VCL: variants seen among roughly 807,000 people sequenced by gnomAD.
VCL encodes the protein vinculin, also known as epididymis luminal protein 114.
A neutral mutation model predicts 125.7 loss-of-function variants in VCL; 47 were observed. That is an observed-to-expected ratio of 0.37 (90% confidence interval 0.30 to 0.48). VCL has a LOEUF of 0.48. VCL is among the 20% of genes least tolerant of loss of function. The pLI, the probability that VCL is intolerant of heterozygous loss-of-function variation, is 0.99. For synonymous variants in VCL, 458 were observed against 514.6 expected, an observed-to-expected ratio of 0.89 and a Z score of 1.49; for missense variants, 1,069 against 1,455.5, an observed-to-expected ratio of 0.73 and a Z score of 4.32.
At chr10:74,105,633 T>C (rs1196141950) in intron 16 of VCL, among the ~76,000 whole-genome samples, 1 of 152,194 alleles carries the variant, frequency 6.6e-6, no homozygotes, top group East Asian at 1.9e-4. Context: ...CTCAGCTCAC[T>C]GAAACCTCCA....
intron 1 of VCL, among the ~76,000 whole-genome samples, chr10:74,009,419 C>T (rs184142844): frequency 0.025 from 3,757 of 150,868 alleles, 161 homozygotes; most frequent in African/African-American, 0.086. Context: ...CCACCACGCC[C>T]GGCTAATTTT....
At chr10:74,086,721 C>T (rs532425714) in intron 8 of VCL, among the ~76,000 whole-genome samples, 1 of 152,340 alleles carries the variant, frequency 6.6e-6, no homozygotes, top group East Asian at 1.9e-4. Context: ...AAGGCTAGAA[C>T]AGTGAAGGGT....
At chr10:74,090,408 A>G (rs1839860690) in intron 10 of VCL, among the ~76,000 whole-genome samples, 2 of 152,186 alleles carry the variant, frequency 1.3e-5, no homozygotes, top group African/African-American at 4.8e-5. Context: ...AGGTTTAATG[A>G]TTTATTGCTG....
At chr10:74,012,735 C>T (rs1284228151) in intron 1 of VCL, among the ~76,000 whole-genome samples, 1 of 152,124 alleles carries the variant, frequency 6.6e-6, no homozygotes, top group Non-Finnish European at 1.5e-5. Flanking sequence ...CTGCTTGTGG[C>T]TGCCCAAACT....
At chr10:74,011,504 G>T (rs1432313530) in intron 1 of VCL, among the ~76,000 whole-genome samples, 1 of 152,006 alleles carries the variant, frequency 6.6e-6, no homozygotes, top group Non-Finnish European at 1.5e-5. Flanking sequence ...TCATATTATT[G>T]GTTCTGTGTT....
chr10:74,084,011 C>T (rs1427446093), intron 8 of VCL, among the ~76,000 whole-genome samples: 4 of 152,180 alleles, frequency 2.6e-5, no homozygotes, highest in South Asian at 4.1e-4. Context: ...GGATTATAGG[C>T]GCCCGCCACC....
chr10:74,010,909 C>G (rs1840420945), intron 1 of VCL, among the ~76,000 whole-genome samples: 1 of 152,160 alleles, frequency 6.6e-6, no homozygotes, highest in South Asian at 2.1e-4. Context: ...GTGGCTCATG[C>G]CTGTAAGCCC....
intron 1 of VCL, among the ~76,000 whole-genome samples, chr10:74,012,247 A>G (rs1188010092): frequency 2.6e-5 from 4 of 152,328 alleles, no homozygotes; most frequent in East Asian, 1.9e-4. Flanking sequence ...TGCAATTAAA[A>G]TAGATAAGGG....
Position 74,023,230 on chromosome 10 carries a change from C to T in VCL, c.169-19853C>T, listed in dbSNP as rs778753782. Among the ~76,000 whole-genome samples, 82 of 152,178 alleles carry T rather than the reference C, an allele frequency of 5.4e-4. 1 individual carries two copies. The highest frequency in any genetic ancestry group is 1.2e-4 in the Non-Finnish European group (8 of 68,042). The stretch of plus-strand genomic sequence containing the variant: ...AAGATAATAATATATTTTCACTGTA[C>T]CTTTTCTATGTTTAGATACACCAAT... On this transcript the variant is annotated intron_variant, in intron 1 of 21. Transcript: ENST00000211998.
intron 1 of VCL, among the ~76,000 whole-genome samples, chr10:74,028,197 T>TC (rs1220961024): frequency 6.6e-6 from 1 of 152,118 alleles, no homozygotes; most frequent in African/African-American, 2.4e-5. Context: ...TGGATCACCC[T>TC]CCCAAGTAGC....
chr10:74,022,993 A>C (rs1305707647), intron 1 of VCL, among the ~76,000 whole-genome samples: 1 of 152,082 alleles, frequency 6.6e-6, no homozygotes, highest in Admixed American at 6.5e-5. Flanking sequence ...TCTCCCACCT[A>C]AACTCTTAGT....
In VCL at chr10:74,118,883, G is replaced by C. The variant is rs1257333315; in HGVS notation, c.*714G>C. The C allele has an allele frequency of 1.3e-5, 2 of 154,346 alleles. No homozygotes were observed. Among genetic ancestry groups the C allele is most frequent in the African/African-American group, 4.8e-5 (2 of 41,434 alleles). The allele number at this position is 154,346 out of a possible 1,614,324, so 9.6% of individuals were successfully genotyped here. A position where few individuals can be genotyped will look rare whatever the true frequency, so the allele number is the denominator to read the frequency against. On this transcript the variant is annotated 3_prime_UTR_variant, in exon 22 of 22. Coordinates refer to ENST00000211998, the MANE Select transcript of VCL (RefSeq NM_014000.3). ...TGCTTTTACCATGCCCCTGAGCAAT[G>C]TCTGTGCTAGGGAAACTTCCCGTCC... is the stretch of plus-strand genomic sequence containing the variant.
intron 2 of VCL, among the ~76,000 whole-genome samples, chr10:74,044,529 T>G (rs1841159226): frequency 6.6e-6 from 1 of 152,228 alleles, no homozygotes; most frequent in African/African-American, 2.4e-5. Flanking sequence ...AGAACCCTGA[T>G]AATATTAGTT....
intron 16 of VCL, 55 bp downstream of exon 16, chr10:74,105,408 G>T: frequency 6.2e-7 from 1 of 1,607,404 alleles, no homozygotes. Flanking sequence ...ACTCAGGAAA[G>T]GTCGTGAGGG....
chr10:74,102,375 A>T (rs1380684241), intron 14 of VCL, among the ~76,000 whole-genome samples: 1 of 152,142 alleles, frequency 6.6e-6, no homozygotes, highest in African/African-American at 2.4e-5. Context: ...AAAGTTTACT[A>T]TGTGATAGGT....
In VCL at chr10:74,070,543, T is replaced by C. The variant is rs1841647428; in HGVS notation, c.240-127T>C. Reference sequence around the variant, plus strand: ...TAAAAACGTAGGTTCTATTATCAATTGGTCTTGGCTATTTTTCATGTAGGG... The same window carrying C: ...TAAAAACGTAGGTTCTATTATCAATCGGTCTTGGCTATTTTTCATGTAGGG... On this transcript the variant is annotated intron_variant, in intron 2 of 21. Transcript: ENST00000211998. 3.8e-6 allele frequency: 5 copies of C among 1,331,408 alleles called. No homozygotes were observed. In the East Asian group the frequency reaches 6.9e-5, roughly 18 times the overall value. 82.5% of individuals were successfully genotyped at this position (1,331,408 alleles called of 1,614,324 possible). A position where few individuals can be genotyped will look rare whatever the true frequency, so the allele number is the denominator to read the frequency against.
chr10:74,085,991 T>C (rs1005793194), intron 8 of VCL, among the ~76,000 whole-genome samples: 2 of 152,046 alleles, frequency 1.3e-5, no homozygotes, highest in Non-Finnish European at 2.9e-5. Context: ...CCTCAGCCTC[T>C]TGAGTACCTG....
At chr10:74,040,162 T>G (rs1841066407) in intron 1 of VCL, among the ~76,000 whole-genome samples, 1 of 152,204 alleles carries the variant, frequency 6.6e-6, no homozygotes, top group Non-Finnish European at 1.5e-5. Flanking sequence ...GTACTCTTTA[T>G]TATAGCATCA....
intron 11 of VCL, among the ~76,000 whole-genome samples, chr10:74,095,198 A>G (rs1839948017): frequency 6.6e-6 from 1 of 152,254 alleles, no homozygotes; most frequent in Non-Finnish European, 1.5e-5. Flanking sequence ...ATGTTTAATA[A>G]TAACTGACTT....
Sources: allele counts gnomAD v4.1 joint callset (sites outside exome capture counted in the v4.1 genomes callset), GRCh38; gene constraint gnomAD v4.1.1; transcripts MANE v1.5; gene names NCBI Gene and HGNC (gene_info 2026-07-23, HGNC 2026-07-21).